CNTNAP5: variants seen among roughly 807,000 people sequenced by gnomAD.
CNTNAP5 encodes the protein contactin associated protein family member 5, also known as contactin-associated protein-like 5.
A neutral mutation model predicts 150.2 loss-of-function variants in CNTNAP5; 72 were observed. The observed-to-expected ratio is 0.48, with a 90% CI of 0.40 to 0.58. The LOEUF is 0.58. CNTNAP5 is among the 20% of genes least tolerant of loss of function. The probability of loss-of-function intolerance (pLI) is 0.00; values close to 1 mark genes in which losing one functional copy is unlikely to be tolerated. For missense variants in CNTNAP5, 1,636 were observed against 1,626.2 expected, an observed-to-expected ratio of 1.01 and a Z score of -0.10; for synonymous variants, 672 against 619.8, an observed-to-expected ratio of 1.08 and a Z score of -1.25.
intron 1 of CNTNAP5, among the ~76,000 whole-genome samples, chr2:124,151,624 G>T (rs931915964): frequency 6.6e-6 from 1 of 152,184 alleles, no homozygotes; most frequent in African/African-American, 2.4e-5. Flanking sequence ...TCAATTAAAT[G>T]TCTTAACTCA....
At chr2:124,125,091 T>G (rs1366742432) in intron 1 of CNTNAP5, among the ~76,000 whole-genome samples, 1 of 152,170 alleles carries the variant, frequency 6.6e-6, no homozygotes, top group Non-Finnish European at 1.5e-5. Flanking sequence ...ATGGGCTAAA[T>G]GCACCAATTA....
intron 13 of CNTNAP5, among the ~76,000 whole-genome samples, chr2:124,738,216 T>C (rs1424397194): frequency 6.6e-6 from 1 of 152,196 alleles, no homozygotes; most frequent in African/African-American, 2.4e-5. Context: ...ACATCACAGC[T>C]TGATGAAGAG....
chr2:124,264,514 T>C (rs755577563), intron 3 of CNTNAP5, among the ~76,000 whole-genome samples: 16 of 151,964 alleles, frequency 1.1e-4, no homozygotes, highest in Non-Finnish European at 1.8e-4. Flanking sequence ...AACATAAATA[T>C]GGTCAGCCTG....
chr2:124,447,720 G>A (rs1030234147), intron 6 of CNTNAP5, among the ~76,000 whole-genome samples: 4 of 152,076 alleles, frequency 2.6e-5, no homozygotes, highest in African/African-American at 9.7e-5. Context: ...TAGGAAACAG[G>A]GCACTTAATT....
At chr2:124,316,702 C>T (rs750982580) in intron 3 of CNTNAP5, among the ~76,000 whole-genome samples, 3 of 147,212 alleles carry the variant, frequency 2.0e-5, no homozygotes, top group South Asian at 2.2e-4. Context: ...CTACTCTGGA[C>T]GCTGAGGCAG....
chr2:124,673,892 C>T (rs538610817), intron 13 of CNTNAP5, among the ~76,000 whole-genome samples: 5 of 152,034 alleles, frequency 3.3e-5, no homozygotes, highest in Admixed American at 6.6e-5. Flanking sequence ...AATGTACTCA[C>T]AAAAATGTAT....
At chr2:124,173,909 C>T (rs1684998123) in intron 1 of CNTNAP5, among the ~76,000 whole-genome samples, 1 of 152,130 alleles carries the variant, frequency 6.6e-6, no homozygotes, top group South Asian at 2.1e-4. Flanking sequence ...CAGGCTCTTT[C>T]TAGGGGTTCA....
chr2:124,874,473 T>C (rs192004956), intron 21 of CNTNAP5, among the ~76,000 whole-genome samples: 6 of 152,198 alleles, frequency 3.9e-5, no homozygotes, highest in African/African-American at 1.4e-4. Context: ...GACATAGGAA[T>C]TGAAAAAACT....
intron 13 of CNTNAP5, among the ~76,000 whole-genome samples, chr2:124,699,038 G>A (rs963160548): frequency 3.3e-5 from 5 of 152,118 alleles, no homozygotes; most frequent in East Asian, 1.9e-4. Flanking sequence ...GCAAATGAGC[G>A]ATTTAATATT....
chr2:124,784,378 G>A (rs1185599494), intron 17 of CNTNAP5, among the ~76,000 whole-genome samples: 6 of 152,176 alleles, frequency 3.9e-5, no homozygotes, highest in African/African-American at 1.4e-4. Flanking sequence ...TTCTCTGAAA[G>A]CAATGAGCAT....
chr2:124,400,897 A>T (rs1691405530), intron 3 of CNTNAP5, among the ~76,000 whole-genome samples: 1 of 151,422 alleles, frequency 6.6e-6, no homozygotes, highest in African/African-American at 2.4e-5. Context: ...TTTGAGACCG[A>T]GTCTCGCTCT....
chr2:124,780,917 T>C (rs1681436097), intron 17 of CNTNAP5, among the ~76,000 whole-genome samples: 1 of 152,226 alleles, frequency 6.6e-6, no homozygotes, highest in African/African-American at 2.4e-5. Context: ...TAAATTGAAA[T>C]GACTTTCTTT....
intron 17 of CNTNAP5, among the ~76,000 whole-genome samples, chr2:124,773,544 C>A (rs1171212582): frequency 6.6e-6 from 1 of 152,126 alleles, no homozygotes; most frequent in Non-Finnish European, 1.5e-5. Context: ...GAAATCATAG[C>A]ACTGGGGATC....
In CNTNAP5 at chr2:124,056,680, A is replaced by C. The variant is rs1681855571; in HGVS notation, c.82+30948A>C. ...AAGAACAACAACAACAACAACAAAA[A>C]CTGGAGTGACTACTCCTGCCATGTG... is the stretch of plus-strand genomic sequence containing the variant. On this transcript the variant is annotated intron_variant, in intron 1 of 23. Coordinates refer to ENST00000682447, the MANE Select transcript of CNTNAP5 (RefSeq NM_001367498.1). 2.0e-5 allele frequency among the ~76,000 whole-genome samples: 3 copies of C among 151,984 alleles called. No individual in the cohort carries two copies. In the South Asian group the frequency reaches 6.2e-4, roughly 32 times the overall value.
chr2:124,626,469 T>C (rs866864804), intron 12 of CNTNAP5, among the ~76,000 whole-genome samples: 1 of 152,094 alleles, frequency 6.6e-6, no homozygotes, highest in Non-Finnish European at 1.5e-5. Flanking sequence ...GGAGCTGCAC[T>C]GAGTGGGTGT....
chr2:124,468,405 A>C (rs1693431152), intron 6 of CNTNAP5, among the ~76,000 whole-genome samples: 1 of 152,100 alleles, frequency 6.6e-6, no homozygotes, highest in African/African-American at 2.4e-5. Context: ...AAGTCCTCAG[A>C]GTCTGATATT....
intron 5 of CNTNAP5, among the ~76,000 whole-genome samples, chr2:124,436,043 C>G (rs1349325077): frequency 6.6e-6 from 1 of 152,156 alleles, no homozygotes; most frequent in Non-Finnish European, 1.5e-5. Flanking sequence ...AAATACTACA[C>G]AAACATGCAT....
rs186864723 is a variant in CNTNAP5, at chr2:124,780,052, G to A, written c.2752+7035G>A. ...AAAGTGAATGAAGGCAGAGCTCCCCGTGCCGTCCATTCCACTAGTGGCTTT... is the reference window on the plus strand; with the variant it reads ...AAAGTGAATGAAGGCAGAGCTCCCCATGCCGTCCATTCCACTAGTGGCTTT... On this transcript the variant is annotated intron_variant, in intron 17 of 23. Coordinates refer to ENST00000682447, the MANE Select transcript of CNTNAP5 (RefSeq NM_001367498.1). Among the ~76,000 whole-genome samples the A allele has an allele frequency of 3.9e-5, 6 of 152,224 alleles. No individual in the cohort carries two copies. In the East Asian group the frequency reaches 5.8e-4, roughly 15 times the overall value.
In CNTNAP5 at chr2:124,522,754, C is replaced by T. The variant is rs1329998282; in HGVS notation, c.1328-1549C>T. ...TTTCTAGCTGCCTTCATATTGTCATCTCCTGCTTCTCAGTCCAGACCTTTG... is the reference window on the plus strand; with the variant it reads ...TTTCTAGCTGCCTTCATATTGTCATTTCCTGCTTCTCAGTCCAGACCTTTG... On this transcript the variant is annotated intron_variant, in intron 8 of 23. Coordinates refer to ENST00000682447, the MANE Select transcript of CNTNAP5 (RefSeq NM_001367498.1). Among the ~76,000 whole-genome samples the T allele has an allele frequency of 2.0e-5, 3 of 152,216 alleles. No individual in the cohort carries two copies. In the East Asian group the frequency reaches 5.8e-4, roughly 29 times the overall value.
Sources: allele counts gnomAD v4.1 joint callset (sites outside exome capture counted in the v4.1 genomes callset), GRCh38; gene constraint gnomAD v4.1.1; transcripts MANE v1.5; gene names NCBI Gene and HGNC (gene_info 2026-07-23, HGNC 2026-07-21).